The following MID1 variants were observed in gnomAD, a reference collection of about 807,000 sequenced individuals.
MID1 encodes the protein midline 1, also known as E3 ubiquitin-protein ligase Midline-1.
A neutral mutation model predicts 40.4 loss-of-function variants in MID1; 7 were observed. The observed-to-expected ratio is 0.17, with a 90% CI of 0.10 to 0.33. The LOEUF (loss-of-function observed/expected upper bound fraction) is 0.33, where lower values mean the gene tolerates loss of function less well. Among genes scored for constraint, MID1 ranks in the 10% least tolerant of loss-of-function variants. MID1 has a pLI of 1.00. For synonymous variants in MID1, 229 were observed against 221.2 expected (o/e 1.04, Z -0.31); for missense variants, 367 against 558.5 (o/e 0.66, Z 3.46).
chrX:10,814,639 A>T (rs1358235792), intron 1 of MID1, among the ~76,000 whole-genome samples: 1 of 110,382 alleles, frequency 9.1e-6, no homozygotes, highest in Admixed American at 9.8e-5. Context: ...ATGCATGCAC[A>T]TATTTAGTTA....
intron 4 of MID1, among the ~76,000 whole-genome samples, chrX:10,491,169 A>G (rs192517127): frequency 3.1e-4 from 35 of 111,866 alleles, no homozygotes; most frequent in African/African-American, 1.1e-3. Context: ...TCTCTGTCAC[A>G]CATATATTGT....
chrX:10,720,367 C>G (rs1269705651), intron 1 of MID1, among the ~76,000 whole-genome samples: 1 of 111,883 alleles, frequency 8.9e-6, no homozygotes, highest in Admixed American at 9.5e-5. Context: ...AAACAAAGAA[C>G]CCCATCAAAA....
chrX:10,536,199 T>C (rs1422945302), intron 2 of MID1, among the ~76,000 whole-genome samples: 1 of 112,328 alleles, frequency 8.9e-6, no homozygotes, highest in Non-Finnish European at 1.9e-5. Context: ...CACTCCAGCC[T>C]GGGCAACAGA....
At chrX:10,704,704 A>ATG (rs200165129) in intron 1 of MID1, among the ~76,000 whole-genome samples, 845 of 80,944 alleles carry the variant, frequency 0.01, 4 homozygotes, top group African/African-American at 0.018. Context: ...ATATATATGC[A>ATG]TGTGTGTGTG....
chrX:10,673,688 T>C (rs1407636097), intron 1 of MID1, among the ~76,000 whole-genome samples: 3 of 110,691 alleles, frequency 2.7e-5, no homozygotes, highest in Non-Finnish European at 3.8e-5. Context: ...AAGACATGGC[T>C]GGTAAGAGAG....
intron 1 of MID1, among the ~76,000 whole-genome samples, chrX:10,750,733 C>T (rs1401111704): frequency 2.7e-5 from 3 of 111,686 alleles, no homozygotes; most frequent in Non-Finnish European, 5.6e-5. Flanking sequence ...ATTCTCAAGT[C>T]TACGGCCATT....
At chrX:10,589,425 C>T (rs368374607) in intron 1 of MID1, among the ~76,000 whole-genome samples, 22 of 110,682 alleles carry the variant, frequency 2.0e-4, no homozygotes, top group African/African-American at 5.9e-4. Flanking sequence ...GATCAGGCCA[C>T]GCTTCCACTC....
At chrX:10,618,065 C>A (rs1362339834) in intron 1 of MID1, among the ~76,000 whole-genome samples, 1 of 111,351 alleles carries the variant, frequency 9.0e-6, no homozygotes, top group Non-Finnish European at 1.9e-5. Flanking sequence ...TCTAATTCTG[C>A]GGGCAATTTC....
rs759890287 is a variant in MID1, at chrX:10,529,956, G to A, written c.661-6769C>T. Among the ~76,000 whole-genome samples, 45 of 111,963 alleles carry A rather than the reference G, an allele frequency of 4.0e-4. No homozygotes were observed. The South Asian group carries it at 6.0e-3, about 15-fold the overall frequency. On this transcript the variant is annotated intron_variant, in intron 2 of 9. Coordinates refer to ENST00000317552, the MANE Select transcript of MID1 (RefSeq NM_000381.4). ...TTTAACAACTAGTGTAGATAGTTAAGACAATGTCTTCTCTCAGCTTTGCTA... is the reference window on the plus strand; with the variant it reads ...TTTAACAACTAGTGTAGATAGTTAAAACAATGTCTTCTCTCAGCTTTGCTA...
Position 10,821,488 on chromosome X carries a change from T to A in MID1, c.-187+12066A>T, listed in dbSNP as rs187847773. ...ACCCTACTAGGACACTAGTACTAAG[T>A]CACTCACCCGTTGGCTGGCTGTTTT... On this transcript the variant is annotated intron_variant, in intron 1 of 10. Coordinates refer to the MID1 transcript ENST00000380785. 2.7e-5 allele frequency among the ~76,000 whole-genome samples: 3 copies of A among 112,353 alleles called. No homozygotes were observed. In the East Asian group the frequency reaches 8.4e-4, roughly 32 times the overall value.
chrX:10,619,198 A>G (rs969111739), intron 1 of MID1, among the ~76,000 whole-genome samples: 2 of 112,170 alleles, frequency 1.8e-5, no homozygotes, highest in African/African-American at 6.5e-5. Context: ...GGCTGTGGGA[A>G]AGGGACAGAA....
intron 9 of MID1, among the ~76,000 whole-genome samples, chrX:10,452,001 T>A (rs969435228): frequency 1.8e-5 from 2 of 112,335 alleles, no homozygotes; most frequent in African/African-American, 3.2e-5. Flanking sequence ...GTGAATACTA[T>A]TTCCGCTTTT....
At chrX:10,681,968 T>C (rs1409528833) in intron 1 of MID1, among the ~76,000 whole-genome samples, 1 of 111,633 alleles carries the variant, frequency 9.0e-6, no homozygotes, top group Non-Finnish European at 1.9e-5. Context: ...TAATATCTTT[T>C]GTTTGTGCCT....
intron 1 of MID1, among the ~76,000 whole-genome samples, chrX:10,740,451 C>G (rs1439389919): frequency 8.9e-6 from 1 of 112,514 alleles, no homozygotes; most frequent in Non-Finnish European, 1.9e-5. Context: ...TGCCATATGA[C>G]TGACGGAAAG....
At chrX:10,694,931 A>G (rs942331693) in intron 1 of MID1, among the ~76,000 whole-genome samples, 1 of 111,270 alleles carries the variant, frequency 9.0e-6, no homozygotes, top group African/African-American at 3.3e-5. Context: ...TTAAATGATA[A>G]TAGCCCCTCC....
chrX:10,602,249 C>T (rs1486534748), intron 1 of MID1, among the ~76,000 whole-genome samples: 2 of 84,706 alleles, frequency 2.4e-5, no homozygotes, highest in African/African-American at 1.4e-4. Context: ...TTTTTACCAC[C>T]AATGACCACT....
At chrX:10,695,403 A>T (rs2043156823) in intron 1 of MID1, among the ~76,000 whole-genome samples, 1 of 111,940 alleles carries the variant, frequency 8.9e-6, no homozygotes, top group African/African-American at 3.2e-5. Context: ...CTGAGATTAT[A>T]GGTGTGAGCC....
At chrX:10,779,768 C>A (rs918170716) in intron 1 of MID1, among the ~76,000 whole-genome samples, 2 of 111,082 alleles carry the variant, frequency 1.8e-5, no homozygotes, top group African/African-American at 6.6e-5. Flanking sequence ...GGGTGAGCAA[C>A]AGGGCTAAAG....
chrX:10,478,246 T>C (rs772317743), intron 5 of MID1, among the ~76,000 whole-genome samples: 1 of 112,463 alleles, frequency 8.9e-6, no homozygotes, highest in East Asian at 2.8e-4. Flanking sequence ...TAAAGGTGCA[T>C]ATACAATCAC....
Sources: allele counts gnomAD v4.1 joint callset (sites outside exome capture counted in the v4.1 genomes callset), GRCh38; gene constraint gnomAD v4.1.1; transcripts MANE v1.5; gene names NCBI Gene and HGNC (gene_info 2026-07-23, HGNC 2026-07-21).